ARAP3: variants seen among roughly 807,000 people sequenced by gnomAD.
ARAP3 encodes the protein arf-GAP with Rho-GAP domain, ANK repeat and PH domain-containing protein 3.
A neutral mutation model predicts 169.2 loss-of-function variants in ARAP3; 82 were observed. The ratio of observed to expected loss-of-function variants is 0.48; its 90% confidence interval spans 0.41 to 0.58. The LOEUF is 0.58. ARAP3 is among the 20% of genes least tolerant of loss of function. The probability of loss-of-function intolerance (pLI) is 0.00; values close to 1 mark genes in which losing one functional copy is unlikely to be tolerated. For missense variants in ARAP3, 1,764 were observed against 2,018.0 expected (o/e 0.87, Z 2.41); for synonymous variants, 791 against 800.3 (o/e 0.99, Z 0.20).
At chr5:141,666,401 T>TC (rs1329826489) in intron 17 of ARAP3, 23 bp downstream of exon 17, 3 of 1,506,066 alleles carry the variant, frequency 2.0e-6, no homozygotes, top group Non-Finnish European at 1.8e-6. Flanking sequence ...TTCATCCCTG[T>TC]CCCCCCAAAC....
At chr5:141,660,029 T>A (rs2099909723) in intron 21 of ARAP3, 103 bp from the exon 22 acceptor site, 8 of 1,405,574 alleles carry the variant, frequency 5.7e-6, no homozygotes, top group Non-Finnish European at 7.6e-6. Context: ...AATACAGCAG[T>A]AAGATAATAT....
At chr5:141,657,504 T>C (rs1240898148) in intron 25 of ARAP3, among the ~76,000 whole-genome samples, 2 of 152,236 alleles carry the variant, frequency 1.3e-5, no homozygotes, top group Admixed American at 1.3e-4. Flanking sequence ...GCTTGAAATA[T>C]TCACTTGGCT....
intron 17 of ARAP3, among the ~76,000 whole-genome samples, chr5:141,666,100 A>C (rs1421064328): frequency 2.6e-5 from 4 of 151,872 alleles, no homozygotes; most frequent in Non-Finnish European, 5.9e-5. Flanking sequence ...CACTTAAAAA[A>C]TGCTTGTCAG....
At chr5:141,670,391 C>G (rs973803914) in intron 14 of ARAP3, 121 bp downstream of exon 14, 1 of 1,101,090 alleles carries the variant, frequency 9.1e-7, no homozygotes, top group African/African-American at 1.5e-5. Context: ...AGGACCCCAG[C>G]CCATTCCCAG....
At chr5:141,679,203 C>T (rs1399575612) in intron 4 of ARAP3, among the ~76,000 whole-genome samples, 2 of 152,188 alleles carry the variant, frequency 1.3e-5, no homozygotes, top group Non-Finnish European at 2.9e-5. Context: ...ACAGGAGAAT[C>T]GCTTGAACCC....
At position 141,655,756 on chromosome 5, in the gene ARAP3, G is replaced by A. The variant is rs769797001; in HGVS notation, c.3975C>T (p.His1325=). 1.3e-5 allele frequency: 21 copies of A among 1,614,096 alleles called. No homozygotes were observed. Among genetic ancestry groups the A allele is most frequent in the East Asian group, 6.7e-5 (3 of 44,886 alleles). ...GTAAGACCACTGGCTGCTGGTCATC[G>A]TGCTGGTGGGAGCGTGAGGGGTTGG... is the stretch of plus-strand genomic sequence containing the variant. ...DWTTSILKAQ[H]DDQQPVVLRR... is the part of the protein sequence containing the mutation. Residue 1325 remains histidine (H), a splice_region_variant and synonymous_variant, in exon 31 of 33, where the codon CAC becomes CAT. Transcript: ENST00000239440.
rs2099909182 is a variant in ARAP3 at position 141,655,673 on chromosome 5, G to C, written c.4058C>G (p.Pro1353Arg). 6.2e-7 allele frequency: 1 copy of C among 1,614,052 alleles called. No individual in the cohort carries two copies. Among genetic ancestry groups the C allele is most frequent in the Non-Finnish European group, 8.5e-7 (1 of 1,180,034 alleles). The part of the protein sequence containing the change: ...RQKFGTMPLL[P>R]IRGDDSGATL... ...GGCTCCACTGTCATCCCCACGGATA[G>C]GCAGCAAAGGCATAGTGCCAAACTT... Residue 1353 changes from proline to arginine, a missense_variant, in exon 31 of 33, where the codon CCT becomes CGT. This residue lies in a region of ARAP3 where 1,112 missense variants were observed against 1,285.7 expected (regional missense o/e 0.86). Transcript: ENST00000239440.
chr5:141,671,160 G>T lies in ARAP3; in HGVS notation c.1990+105C>A. 6.9e-7 allele frequency: 1 copy of T among 1,443,568 alleles called. No homozygotes were observed. Among genetic ancestry groups the T allele is most frequent in the Non-Finnish European group, 9.4e-7 (1 of 1,064,924 alleles). 89.4% of individuals were successfully genotyped at this position (1,443,568 alleles called of 1,614,324 possible). ...TCTGAGGGTTTGGGAAACTGCCCAGGCTGGGCCATTGTGATCAGCTAATTG... is the reference window on the plus strand; with the variant it reads ...TCTGAGGGTTTGGGAAACTGCCCAGTCTGGGCCATTGTGATCAGCTAATTG... On this transcript the variant is annotated intron_variant, in intron 13 of 32. Transcript: ENST00000239440. The surrounding 1 kb of genome is among the most constrained non-coding windows in gnomAD (Gnocchi z 4.9).
In ARAP3 at chr5:141,653,703, A is replaced by G; in HGVS notation, c.*247T>C. 1 of 397,380 alleles carries G rather than the reference A, an allele frequency of 2.5e-6. No homozygotes were observed. Among genetic ancestry groups the G allele is most frequent in the Non-Finnish European group, 4.4e-6 (1 of 226,698 alleles). The allele number at this position is 397,380 out of a possible 1,614,324, so 24.6% of individuals were successfully genotyped here. A position where few individuals can be genotyped will look rare whatever the true frequency, so the allele number is the denominator to read the frequency against. On this transcript the variant is annotated 3_prime_UTR_variant, in exon 33 of 33. Coordinates refer to ENST00000239440, the MANE Select transcript of ARAP3 (RefSeq NM_022481.6). ...TGGGGCTTATGGCTCTAAGAAACAC[A>G]GTTTGACATTCACTGCTCTCCTTAC...
At position 141,655,775 on chromosome 5, in the gene ARAP3, G is replaced by A. The variant is rs954885506; in HGVS notation, c.3973-17C>T. The stretch of plus-strand genomic sequence containing the variant: ...GTCATCGTGCTGGTGGGAGCGTGAG[G>A]GGTTGGCATCAGTGGGCATGAAAGG... On this transcript the variant is annotated splice_polypyrimidine_tract_variant and intron_variant, in intron 30 of 32. Coordinates refer to ENST00000239440, the MANE Select transcript of ARAP3 (RefSeq NM_022481.6). 2.3e-5 allele frequency: 37 copies of A among 1,614,028 alleles called. No homozygotes were observed. Among genetic ancestry groups the A allele is most frequent in the Non-Finnish European group, 3.1e-5 (36 of 1,180,024 alleles).
chr5:141,667,416 C>T (rs544862337), intron 16 of ARAP3, among the ~76,000 whole-genome samples: 1 of 151,588 alleles, frequency 6.6e-6, no homozygotes, highest in African/African-American at 2.4e-5. Context: ...CTGTCACTAA[C>T]CAATAGTGTA....
At chr5:141,656,321 A>G (rs1167563837) in intron 27 of ARAP3, 45 bp from the exon 28 acceptor site, 10 of 1,611,052 alleles carry the variant, frequency 6.2e-6, no homozygotes, top group Non-Finnish European at 8.5e-6. Flanking sequence ...ATGAGAGATC[A>G]TGGTTAATGA....
At chr5:141,678,270 CT>C (rs1305334487) in intron 4 of ARAP3, among the ~76,000 whole-genome samples, 3 of 151,640 alleles carry the variant, frequency 2.0e-5, no homozygotes, top group African/African-American at 4.8e-5. Context: ...CCTCTTTTAC[CT>C]CTCTGACTTC....
chr5:141,660,493 C>CAA (rs549366104), intron 21 of ARAP3, among the ~76,000 whole-genome samples: 1 of 91,310 alleles, frequency 1.1e-5, no homozygotes, highest in African/African-American at 4.2e-5. Context: ...GACTCCGTCT[C>CAA]AAAAAAAAAA....
intron 21 of ARAP3, among the ~76,000 whole-genome samples, chr5:141,660,940 A>G (rs1353185921): frequency 6.6e-6 from 1 of 152,208 alleles, no homozygotes; most frequent in Admixed American, 6.5e-5. Context: ...ATAATAAAAC[A>G]AAATAATATT....
chr5:141,672,947 G>T lies in ARAP3; in HGVS notation c.1094-22C>A. 1 of 1,612,094 alleles carries T rather than the reference G, an allele frequency of 6.2e-7. No homozygotes were observed. The highest frequency in any genetic ancestry group is 8.5e-7 in the Non-Finnish European group (1 of 1,178,964). On this transcript the variant is annotated intron_variant, in intron 7 of 32. Transcript: ENST00000239440. This position sits in a 1 kb window ranked among gnomAD's most constrained non-coding sequence, Gnocchi z 4.9. ...TGAGCTGGTGGGGATGGAGAAGCAG[G>T]TCAGTGGCTGTTGCTCACACAGCCT...
intron 17 of ARAP3, among the ~76,000 whole-genome samples, chr5:141,666,031 T>A: frequency 7.3e-6 from 1 of 137,240 alleles, no homozygotes; most frequent in African/African-American, 2.7e-5. Flanking sequence ...AGAGCGTGAC[T>A]CTGTCTCCAA....
chr5:141,664,872 ACCCCCAC>A, intron 19 of ARAP3, 43 bp downstream of exon 19: 21 of 201,878 alleles, frequency 1.0e-4, no homozygotes, highest in Non-Finnish European at 1.9e-4. Context: ...CCCCCTCATC[ACCCCCAC>A]CCCCCACCCC....
chr5:141,673,689 A>T lies in ARAP3; in HGVS notation c.818T>A (p.Ile273Asn). ...LETEETSDDLISPYASFSFTA... is the reference protein window; with the variant it reads ...LETEETSDDLNSPYASFSFTA... ...GAAGGAGAAGCTGGCATAGGGTGAA[A>T]TGAGGTCATCACTGGTCTCCTCTGT... is the stretch of plus-strand genomic sequence containing the variant. Residue 273 changes from isoleucine (I) to asparagine (N), a missense_variant, in exon 5 of 33, where the codon ATT becomes AAT. Physicochemically the swap from Ile to Asn is moderately radical, Grantham distance 149. Transcript: ENST00000239440. 6.2e-7 allele frequency: 1 copy of T among 1,614,176 alleles called. No individual in the cohort carries two copies. The highest frequency in any genetic ancestry group is 8.5e-7 in the Non-Finnish European group (1 of 1,180,036).
Sources: allele counts gnomAD v4.1 joint callset (sites outside exome capture counted in the v4.1 genomes callset), GRCh38; gene constraint gnomAD v4.1.1; regional missense constraint gnomAD v4.1.1; non-coding constraint Gnocchi (gnomAD v3.1); transcripts MANE v1.5; gene names NCBI Gene and HGNC (gene_info 2026-07-23, HGNC 2026-07-21).